USP46: variants seen among roughly 807,000 people sequenced by gnomAD.
USP46 encodes ubiquitin carboxyl-terminal hydrolase 46.
Under a neutral mutation model 44.4 loss-of-function variants are expected in USP46, and 12 were observed. The observed-to-expected ratio is 0.27, with a 90% CI of 0.17 to 0.44. USP46 has a LOEUF of 0.44. Among genes scored for constraint, USP46 ranks in the 20% least tolerant of loss-of-function variants. The pLI is 1.00. For synonymous variants in USP46, 155 were observed against 161.5 expected (o/e 0.96, Z 0.31); for missense variants, 248 against 444.8 (o/e 0.56, Z 3.98).
intron 1 of USP46, among the ~76,000 whole-genome samples, chr4:52,651,862 G>A (rs1250188902): frequency 6.6e-6 from 1 of 152,094 alleles, no homozygotes; most frequent in Admixed American, 6.5e-5. Context: ...AAAATTCAAG[G>A]TATCTTCTCA....
chr4:52,636,202 T>C (rs946105572), intron 1 of USP46, among the ~76,000 whole-genome samples: 2 of 151,902 alleles, frequency 1.3e-5, no homozygotes, highest in African/African-American at 4.8e-5. Context: ...ATGTGTGAGG[T>C]CTCAGCTCAC....
At chr4:52,634,105 T>C (rs919335583) in intron 1 of USP46, among the ~76,000 whole-genome samples, 1 of 152,044 alleles carries the variant, frequency 6.6e-6, no homozygotes, top group Non-Finnish European at 1.5e-5. Context: ...TAAAAACATT[T>C]TCGTGTCTTT....
At chr4:52,630,736 CAA>C (rs10566870) in intron 2 of USP46, among the ~76,000 whole-genome samples, 1,220 of 92,308 alleles carry the variant, frequency 0.013, 9 homozygotes, top group African/African-American at 0.043. Context: ...GACTCTGTCT[CAA>C]AAAAAAAAAA....
chr4:52,622,484 T>G (rs1253586072), intron 4 of USP46, among the ~76,000 whole-genome samples: 1 of 152,184 alleles, frequency 6.6e-6, no homozygotes, highest in Admixed American at 6.5e-5. Context: ...TCAAGAAACA[T>G]GACAAACATT....
chr4:52,624,770 A>G (rs766739232), intron 4 of USP46, among the ~76,000 whole-genome samples: 1 of 152,126 alleles, frequency 6.6e-6, no homozygotes, highest in Non-Finnish European at 1.5e-5. Context: ...CCTCATGATA[A>G]GATTTGTACC....
intron 1 of USP46, among the ~76,000 whole-genome samples, chr4:52,633,561 T>C (rs1467886778): frequency 6.6e-6 from 1 of 152,174 alleles, no homozygotes; most frequent in Non-Finnish European, 1.5e-5. Flanking sequence ...ATATTAAATA[T>C]ACCCCCATAA....
chr4:52,600,614 G>A (rs1716430948), intron 7 of USP46, among the ~76,000 whole-genome samples: 1 of 146,296 alleles, frequency 6.8e-6, no homozygotes, highest in South Asian at 2.2e-4. Flanking sequence ...TCCTCCCAAG[G>A]ATTTGAATTG....
intron 1 of USP46, among the ~76,000 whole-genome samples, chr4:52,636,182 G>A (rs931962106): frequency 6.6e-6 from 1 of 152,142 alleles, no homozygotes; most frequent in Non-Finnish European, 1.5e-5. Flanking sequence ...GAAGAGATCA[G>A]AGTGAGGCAA....
chr4:52,612,419 A>AT (rs1716969738), intron 4 of USP46, among the ~76,000 whole-genome samples: 1 of 152,172 alleles, frequency 6.6e-6, no homozygotes, highest in African/African-American at 2.4e-5. Flanking sequence ...ATGGCTTCAC[A>AT]GATACTCTCA....
chr4:52,625,426 T>C (rs184078856), intron 4 of USP46, among the ~76,000 whole-genome samples: 5 of 152,284 alleles, frequency 3.3e-5, no homozygotes, highest in East Asian at 3.9e-4. Context: ...AAGTTAAACA[T>C]GCCAAGAAAA....
At chr4:52,641,335 T>A (rs2109654722) in intron 1 of USP46, among the ~76,000 whole-genome samples, 1 of 152,226 alleles carries the variant, frequency 6.6e-6, no homozygotes, top group African/African-American at 2.4e-5. Context: ...AAAAATAGCA[T>A]CTGAGCTGGG....
At chr4:52,613,308 A>G (rs1577667841) in intron 4 of USP46, among the ~76,000 whole-genome samples, 2 of 152,348 alleles carry the variant, frequency 1.3e-5, no homozygotes, top group African/African-American at 4.8e-5. Context: ...CAACCTGGCT[A>G]TTAACAAAAT....
intron 1 of USP46, chr4:52,650,867 G>A (rs998492139): frequency 3.3e-5 from 5 of 152,118 alleles, no homozygotes; most frequent in African/African-American, 1.2e-4. Flanking sequence ...GGGAGGCCAA[G>A]GTGGGCGGAT....
At chr4:52,631,851 C>A (rs958327783) in intron 1 of USP46, among the ~76,000 whole-genome samples, 7 of 151,988 alleles carry the variant, frequency 4.6e-5, no homozygotes, top group Admixed American at 4.6e-4. Flanking sequence ...ACTAAAAATA[C>A]AAAAATTAGC....
At chr4:52,648,101 G>C (rs1009752834) in intron 1 of USP46, among the ~76,000 whole-genome samples, 4 of 152,204 alleles carry the variant, frequency 2.6e-5, no homozygotes, top group Admixed American at 2.6e-4. Flanking sequence ...GTCTTTACAA[G>C]GGTAGAGAAC....
chr4:52,657,676 G>A (rs1314432289), intron 1 of USP46, among the ~76,000 whole-genome samples: 1 of 152,178 alleles, frequency 6.6e-6, no homozygotes, highest in African/African-American at 2.4e-5. Flanking sequence ...GAGGAAATCT[G>A]ACTCCTCGCA....
At chr4:52,649,155 C>A (rs938103326) in intron 1 of USP46, among the ~76,000 whole-genome samples, 6 of 152,196 alleles carry the variant, frequency 3.9e-5, no homozygotes, top group African/African-American at 1.4e-4. Flanking sequence ...AAGTGCCCCA[C>A]TAAATGTGGA....
At chr4:52,610,437 G>T in intron 5 of USP46, 104 bp downstream of exon 5, 1 of 975,060 alleles carries the variant, frequency 1.0e-6, no homozygotes, top group Non-Finnish European at 1.6e-6. Flanking sequence ...GGATCATATT[G>T]GTTTAACAGA....
chr4:52,610,444 C>T, intron 5 of USP46, 97 bp downstream of exon 5: 1 of 1,076,874 alleles, frequency 9.3e-7, no homozygotes, highest in South Asian at 1.5e-5. Context: ...ATTGGTTTAA[C>T]AGAAGGGAAG....
Sources: gnomAD v4.1 joint callset for allele counts (sites outside exome capture counted in the v4.1 genomes callset) on GRCh38, gnomAD v4.1.1 for gene constraint, MANE v1.5 for transcripts, NCBI Gene and HGNC (gene_info 2026-07-23, HGNC 2026-07-21) for gene names.